The following SLC13A1 variants were observed in gnomAD, a reference collection of about 807,000 sequenced individuals.
The protein encoded by SLC13A1 is Na(+)/sulfate cotransporter.
Under a neutral mutation model 70.0 loss-of-function variants are expected in SLC13A1, and 65 were observed. The ratio of observed to expected loss-of-function variants is 0.93; its 90% confidence interval spans 0.76 to 1.14. The LOEUF (loss-of-function observed/expected upper bound fraction) is 1.14. Ranked by LOEUF, SLC13A1 falls within the 50% of genes most tolerant of loss-of-function variation. SLC13A1 has a pLI of 0.00. For missense variants in SLC13A1, 726 were observed against 717.8 expected (o/e 1.01, Z -0.13); for synonymous variants, 275 against 250.5 (o/e 1.10, Z -0.92).
chr7:123,128,731 C>T, intron 10 of SLC13A1, 114 bp downstream of exon 10: 4 of 682,936 alleles, frequency 5.9e-6, no homozygotes, highest in South Asian at 3.9e-5. Context: ...AATATCTTTT[C>T]AAGGGAAAGA....
intron 1 of SLC13A1, chr7:123,190,547 A>T (rs1016296558): frequency 2.2e-6 from 1 of 456,716 alleles, no homozygotes; most frequent in South Asian, 1.5e-5. Flanking sequence ...TCAGTCAGTC[A>T]TCTGACTGCA....
At chr7:123,133,996 C>A (rs77339921) in intron 8 of SLC13A1, among the ~76,000 whole-genome samples, 1 of 152,022 alleles carries the variant, frequency 6.6e-6, no homozygotes. Flanking sequence ...CACCACCATG[C>A]CTGGATGGTC....
At chr7:123,179,659 T>G (rs1262899973) in intron 2 of SLC13A1, among the ~76,000 whole-genome samples, 1 of 152,084 alleles carries the variant, frequency 6.6e-6, no homozygotes, top group African/African-American at 2.4e-5. Flanking sequence ...CCCTCCTGCT[T>G]CCCTCTAATG....
intron 13 of SLC13A1, among the ~76,000 whole-genome samples, chr7:123,118,711 G>T: frequency 6.6e-6 from 1 of 152,048 alleles, no homozygotes; most frequent in East Asian, 1.9e-4. Context: ...TAGGAACAAT[G>T]TTTGAGAGGC....
rs775213090 is a variant in SLC13A1, at chr7:123,123,106, T to A, written c.1350+20A>T. 2 of 1,498,878 alleles carry A rather than the reference T, an allele frequency of 1.3e-6. No individual in the cohort carries two copies. The highest frequency in any genetic ancestry group is 2.3e-5 in the South Asian group (2 of 88,780). The allele number at this position is 1,498,878 out of a possible 1,614,324, so 92.8% of individuals were successfully genotyped here. On this transcript the variant is annotated intron_variant, in intron 12 of 14. Coordinates refer to ENST00000194130, the MANE Select transcript of SLC13A1 (RefSeq NM_022444.4). ...GAACAGTCTGGTTAATTGTTAAATA[T>A]CTTACACACAGAGTATTACCTCACA...
intron 1 of SLC13A1, among the ~76,000 whole-genome samples, chr7:123,181,626 G>C (rs981917254): frequency 1.3e-5 from 2 of 152,080 alleles, no homozygotes; most frequent in African/African-American, 4.8e-5. Flanking sequence ...TCAGAGAAAA[G>C]ACATGACAAG....
chr7:123,182,595 G>A (rs1337689771), intron 1 of SLC13A1, among the ~76,000 whole-genome samples: 1 of 151,990 alleles, frequency 6.6e-6, no homozygotes, highest in African/African-American at 2.4e-5. Flanking sequence ...ACAACTATCT[G>A]GAGCACCAAT....
At chr7:123,179,082 A>G (rs1563350337) in intron 2 of SLC13A1, among the ~76,000 whole-genome samples, 1 of 152,120 alleles carries the variant, frequency 6.6e-6, no homozygotes, top group Non-Finnish European at 1.5e-5. Flanking sequence ...GGCAGATTTG[A>G]GGATGGGAGT....
At chr7:123,169,636 A>T (rs2116549912) in intron 3 of SLC13A1, among the ~76,000 whole-genome samples, 1 of 144,572 alleles carries the variant, frequency 6.9e-6, no homozygotes, top group Non-Finnish European at 1.5e-5. Context: ...TGGTTATATG[A>T]CATAACAGCT....
chr7:123,151,251 G>A (rs1330223737), intron 6 of SLC13A1, among the ~76,000 whole-genome samples: 1 of 151,952 alleles, frequency 6.6e-6, no homozygotes, highest in East Asian at 1.9e-4. Context: ...TTGAACCTGG[G>A]AGGCAGAGGT....
At chr7:123,156,246 T>C (rs1794709779) in intron 6 of SLC13A1, among the ~76,000 whole-genome samples, 1 of 152,142 alleles carries the variant, frequency 6.6e-6, no homozygotes, top group South Asian at 2.1e-4. Flanking sequence ...TCATGTCTTC[T>C]CTTGATGTTT....
intron 1 of SLC13A1, among the ~76,000 whole-genome samples, chr7:123,187,111 T>C (rs1795826380): frequency 6.6e-6 from 1 of 152,052 alleles, no homozygotes. Flanking sequence ...ACAGAGGCAA[T>C]TGTGTGGAAA....
At chr7:123,129,926 G>A (rs954316828) in intron 8 of SLC13A1, among the ~76,000 whole-genome samples, 2 of 152,110 alleles carry the variant, frequency 1.3e-5, no homozygotes, top group African/African-American at 4.8e-5. Context: ...TAAATTATTT[G>A]AGGGCAAGGA....
At chr7:123,154,913 G>T (rs972652275) in intron 6 of SLC13A1, among the ~76,000 whole-genome samples, 1 of 152,078 alleles carries the variant, frequency 6.6e-6, no homozygotes, top group African/African-American at 2.4e-5. Context: ...AGTCTGACTG[G>T]ATATTGACTC....
intron 6 of SLC13A1, among the ~76,000 whole-genome samples, chr7:123,150,503 C>A (rs1794519031): frequency 6.6e-6 from 1 of 152,078 alleles, no homozygotes; most frequent in Admixed American, 6.6e-5. Flanking sequence ...ACTTCTTAAC[C>A]CTCCTTTCAA....
chr7:123,146,561 C>A (rs183003669), intron 7 of SLC13A1, among the ~76,000 whole-genome samples: 46 of 152,230 alleles, frequency 3.0e-4, no homozygotes, highest in Non-Finnish European at 5.0e-4. Context: ...TAAGTACCTG[C>A]AAATTGAGGA....
In SLC13A1 at chr7:123,115,482, G is replaced by A; in HGVS notation, c.*36C>T. The stretch of plus-strand genomic sequence containing the variant: ...TACAGTCAATCATTAATGTCTTCCA[G>A]AAATTACCGCAAGATAGTCAGAAAT... On this transcript the variant is annotated 3_prime_UTR_variant, in exon 15 of 15. Transcript: ENST00000194130. 1 of 1,593,958 alleles carries A rather than the reference G, an allele frequency of 6.3e-7. No individual in the cohort carries two copies. Among genetic ancestry groups the A allele is most frequent in the Non-Finnish European group, 8.6e-7 (1 of 1,165,506 alleles).
intron 8 of SLC13A1, among the ~76,000 whole-genome samples, chr7:123,132,351 A>G (rs1296150175): frequency 1.3e-5 from 2 of 152,092 alleles, no homozygotes; most frequent in Non-Finnish European, 2.9e-5. Flanking sequence ...TGGAACCACT[A>G]CTGATTTCAG....
In SLC13A1 at chr7:123,123,218, G is replaced by T; in HGVS notation, c.1258C>A (p.Pro420Thr). ...TGGAATTCTTTCCAAGTAATCAGTG[G>T]AGAGTAATCAAAAGCAACTGCAAAA... is the stretch of plus-strand genomic sequence containing the variant. Reference protein sequence around the residue: ...TGEIVAFDYSPLITWKEFQSF... With the variant: ...TGEIVAFDYSTLITWKEFQSF... The change falls in exon 12 of 15, where the codon CCA becomes ACA. Residue 420 changes from proline to threonine, a missense_variant. By Grantham distance (38) the Pro-to-Thr change is conservative. Coordinates refer to ENST00000194130, the MANE Select transcript of SLC13A1 (RefSeq NM_022444.4). 6.2e-7 allele frequency: 1 copy of T among 1,612,750 alleles called. No homozygotes were observed. Among genetic ancestry groups the T allele is most frequent in the Non-Finnish European group, 8.5e-7 (1 of 1,178,940 alleles).
Sources: allele counts gnomAD v4.1 joint callset (sites outside exome capture counted in the v4.1 genomes callset), GRCh38; gene constraint gnomAD v4.1.1; transcripts MANE v1.5; gene names NCBI Gene and HGNC (gene_info 2026-07-23, HGNC 2026-07-21).